The following NTRK2 variants were observed in gnomAD, a reference collection of about 807,000 sequenced individuals.
NTRK2 encodes the protein BDNF/NT-3 growth factors receptor.
NTRK2 carries 13 observed loss-of-function variants against 94.5 expected under a neutral mutation model. The observed-to-expected ratio is 0.14, with a 90% CI of 0.09 to 0.22. The LOEUF (loss-of-function observed/expected upper bound fraction) is 0.22. Among genes scored for constraint, NTRK2 ranks in the 10% least tolerant of loss-of-function variants. The pLI is 1.00. For synonymous variants in NTRK2, 372 were observed against 407.4 expected (o/e 0.91, Z 1.05); for missense variants, 639 against 1,071.2 (o/e 0.60, Z 5.63).
chr9:84,757,679 T>G (rs554741676), intron 12 of NTRK2, among the ~76,000 whole-genome samples: 43 of 152,358 alleles, frequency 2.8e-4, no homozygotes, highest in Non-Finnish European at 4.3e-4. Context: ...TATAAACCAC[T>G]TGGGAATGTT....
chr9:84,844,649 T>TCATA (rs1554751542), intron 12 of NTRK2, among the ~76,000 whole-genome samples: 12 of 140,828 alleles, frequency 8.5e-5, no homozygotes, highest in African/African-American at 3.2e-4. Flanking sequence ...AATACCTCAC[T>TCATA]CACACACACA....
intron 12 of NTRK2, among the ~76,000 whole-genome samples, chr9:84,791,183 A>G (rs777495007): frequency 1.4e-4 from 22 of 152,330 alleles, no homozygotes; most frequent in Non-Finnish European, 2.4e-4. Flanking sequence ...ATGGCAACCA[A>G]GACATGAAAG....
intron 14 of NTRK2, among the ~76,000 whole-genome samples, chr9:84,913,668 T>G (rs2077310638): frequency 6.6e-6 from 1 of 152,122 alleles, no homozygotes; most frequent in South Asian, 2.1e-4. Context: ...AGTTTTTTCC[T>G]TATAGGTAAG....
At chr9:84,668,942 C>T (rs905858358), upstream of NTRK2, among the ~76,000 whole-genome samples, 3 of 152,184 alleles carry the variant, frequency 2.0e-5, no homozygotes, top group Non-Finnish European at 2.9e-5. Context: ...GGCCACCGAG[C>T]ATTTAGAATA....
At position 84,723,662 on chromosome 9, in the gene NTRK2, G is replaced by T; in HGVS notation, c.673G>T (p.Val225Phe). The T allele has an allele frequency of 6.2e-7, 1 of 1,614,086 alleles. No homozygotes were observed. The highest frequency in any genetic ancestry group is 1.1e-5 in the South Asian group (1 of 91,068). ...ATCCTGTAGTGTGGCAGGTGATCCG[G>T]TTCCTAATATGTATTGGGATGTTGG... Reference protein sequence around the residue: ...TLSCSVAGDPVPNMYWDVGNL... With the variant: ...TLSCSVAGDPFPNMYWDVGNL... The change falls in exon 7 of 19, where the codon GTT (valine) becomes TTT (phenylalanine). Residue 225 changes from valine to phenylalanine, a missense_variant. Transcript: ENST00000277120.
Position 85,025,099 on chromosome 9 carries a change from A to T in NTRK2, c.*3662A>T, listed in dbSNP as rs1245975920. 4.3e-6 allele frequency: 1 copy of T among 232,880 alleles called. No homozygotes were observed. Among genetic ancestry groups the T allele is most frequent in the Non-Finnish European group, 8.5e-6 (1 of 117,924 alleles). The allele number at this position is 232,880 out of a possible 1,614,324, so 14.4% of individuals were successfully genotyped here. A position where few individuals can be genotyped will look rare whatever the true frequency, so the allele number is the denominator to read the frequency against. On this transcript the variant is annotated 3_prime_UTR_variant, in exon 19 of 19. Transcript: ENST00000277120. ...GTCATGTTGCTGTTAGTGCTTCCAT[A>T]CTCCACGTGGGTAGGACTACATCAC...
chr9:84,807,286 G>T (rs1230610767), intron 12 of NTRK2, among the ~76,000 whole-genome samples: 1 of 152,142 alleles, frequency 6.6e-6, no homozygotes, highest in Non-Finnish European at 1.5e-5. Context: ...AGAGCACTTC[G>T]CTGACCTTCA....
intron 2 of NTRK2, among the ~76,000 whole-genome samples, chr9:84,700,755 G>T (rs891195782): frequency 2.0e-5 from 3 of 151,936 alleles, no homozygotes; most frequent in African/African-American, 7.3e-5. Flanking sequence ...AACTCACATT[G>T]TTAACAGCAG....
At chr9:84,746,716 C>T (rs374211946) in intron 11 of NTRK2, among the ~76,000 whole-genome samples, 1 of 152,086 alleles carries the variant, frequency 6.6e-6, no homozygotes, top group South Asian at 2.1e-4. Flanking sequence ...TCCAGTGCTC[C>T]AGTCCTGCTC....
chr9:84,959,386 C>T (rs1588049591), intron 17 of NTRK2, among the ~76,000 whole-genome samples: 2 of 152,240 alleles, frequency 1.3e-5, no homozygotes, highest in African/African-American at 2.4e-5. Flanking sequence ...TAAAATGTTC[C>T]TTATCTTTAA....
chr9:84,790,075 C>G (rs531014905), intron 12 of NTRK2, among the ~76,000 whole-genome samples: 2 of 152,148 alleles, frequency 1.3e-5, no homozygotes, highest in Non-Finnish European at 2.9e-5. Flanking sequence ...TTTTTTAGTA[C>G]GGACATCCTC....
At position 84,828,995 on chromosome 9, in the gene NTRK2, TG is replaced by T. The variant is rs112571860; in HGVS notation, c.1397-32044del. Among the ~76,000 whole-genome samples the T allele has an allele frequency of 2.5e-3, 344 of 135,084 alleles. 2 individuals are homozygous for T. The highest frequency in any genetic ancestry group is 9.4e-3 in the African/African-American group (321 of 34,232). The allele number at this position is 135,084 out of a possible 152,430, so 88.6% of individuals were successfully genotyped here. On this transcript the variant is annotated intron_variant, in intron 12 of 18. Transcript: ENST00000277120. ...CCAGAAATCTATGGTGTTTTTTTTT[TG>T]TTGTTTGTTTGTTTGTTTTGAGATG...
intron 14 of NTRK2, among the ~76,000 whole-genome samples, chr9:84,920,880 G>C (rs111420606): frequency 2.3e-4 from 35 of 152,270 alleles, no homozygotes; most frequent in African/African-American, 7.9e-4. Flanking sequence ...CTCAACTTCA[G>C]CATAAATTCC....
chr9:84,876,565 A>G (rs11140793), intron 14 of NTRK2: 82 of 1,056,422 alleles, frequency 7.8e-5, no homozygotes, highest in Non-Finnish European at 8.9e-5. Context: ...TACTTGAGCC[A>G]GATGGACTAA....
chr9:84,751,969 T>C lies in NTRK2; in HGVS notation c.1297-17T>C, dbSNP rs751783040. 2 of 1,608,618 alleles carry C rather than the reference T, an allele frequency of 1.2e-6. No individual in the cohort carries two copies. Among genetic ancestry groups the C allele is most frequent in the Non-Finnish European group, 8.5e-7 (1 of 1,175,042 alleles). Reference sequence around the variant, plus strand: ...CTAATTAGCAAGGTTATAACCACCCTCCCTTCCTTTCTCTAGGTCTATGCT... The same window carrying C: ...CTAATTAGCAAGGTTATAACCACCCCCCCTTCCTTTCTCTAGGTCTATGCT... On this transcript the variant is annotated splice_polypyrimidine_tract_variant and intron_variant, in intron 11 of 18. Transcript: ENST00000277120.
chr9:84,683,613 C>G (rs956862121), intron 2 of NTRK2, among the ~76,000 whole-genome samples: 38 of 152,042 alleles, frequency 2.5e-4, no homozygotes, highest in African/African-American at 8.9e-4. Flanking sequence ...TGGTTGGTTC[C>G]AAGTCTTTGC....
In NTRK2 at chr9:85,022,728, T is replaced by C. The variant is rs897079188; in HGVS notation, c.*1291T>C. 4.3e-6 allele frequency: 1 copy of C among 233,242 alleles called. No homozygotes were observed. The allele number at this position is 233,242 out of a possible 1,614,324, so 14.4% of individuals were successfully genotyped here. A position where few individuals can be genotyped will look rare whatever the true frequency, so the allele number is the denominator to read the frequency against. On this transcript the variant is annotated 3_prime_UTR_variant, in exon 19 of 19. Coordinates refer to ENST00000277120, the MANE Select transcript of NTRK2 (RefSeq NM_006180.6). ...CAGATCCATAAAAAGGTATGACTTA[T>C]ACAATTAGGGGAAGCTAATGGAGTT...
At chr9:84,854,946 C>CAA (rs149925184) in intron 12 of NTRK2, among the ~76,000 whole-genome samples, 15 of 63,358 alleles carry the variant, frequency 2.4e-4, no homozygotes, top group Admixed American at 7.5e-4. Context: ...GACTCCGTCT[C>CAA]AAAAAAAAAA....
intron 12 of NTRK2, 84 bp from the exon 13 acceptor site, chr9:84,860,956 A>C: frequency 2.6e-6 from 2 of 782,076 alleles, no homozygotes; most frequent in Admixed American, 2.3e-5. Flanking sequence ...AGTTTGTTGC[A>C]TTATTTGACC....
Sources: gnomAD v4.1 joint callset for allele counts (sites outside exome capture counted in the v4.1 genomes callset) on GRCh38, gnomAD v4.1.1 for gene constraint, MANE v1.5 for transcripts, NCBI Gene and HGNC (gene_info 2026-07-23, HGNC 2026-07-21) for gene names.